CDKAL1: variants seen among roughly 807,000 people sequenced by gnomAD.
The protein encoded by CDKAL1 is threonylcarbamoyladenosine tRNA methylthiotransferase.
In CDKAL1, 32 loss-of-function variants were observed where a neutral mutation model predicts 68.2. The observed-to-expected ratio is 0.47, with a 90% CI of 0.35 to 0.63. The LOEUF (loss-of-function observed/expected upper bound fraction) is 0.63. CDKAL1 is among the 30% of genes least tolerant of loss of function. The pLI is 0.00. For missense variants in CDKAL1, 606 were observed against 696.7 expected, an observed-to-expected ratio of 0.87 and a Z score of 1.47; for synonymous variants, 234 against 244.3, an observed-to-expected ratio of 0.96 and a Z score of 0.39.
At chr6:20,961,770 A>G (rs1765070105) in intron 10 of CDKAL1, among the ~76,000 whole-genome samples, 1 of 150,222 alleles carries the variant, frequency 6.7e-6, no homozygotes, top group South Asian at 2.1e-4. Flanking sequence ...CCGTCTCAAA[A>G]AAAAAAAAGA....
At chr6:21,122,101 G>A (rs867346213) in intron 13 of CDKAL1, among the ~76,000 whole-genome samples, 1 of 152,106 alleles carries the variant, frequency 6.6e-6, no homozygotes, top group Non-Finnish European at 1.5e-5. Flanking sequence ...AATTGAAAGA[G>A]TTCTTCAGAA....
intron 13 of CDKAL1, among the ~76,000 whole-genome samples, chr6:21,182,354 A>G (rs879791594): frequency 9.9e-5 from 15 of 152,194 alleles, no homozygotes; most frequent in Admixed American, 2.0e-4. Context: ...ATTCATTTAC[A>G]TTTATTGAGA....
intron 4 of CDKAL1, among the ~76,000 whole-genome samples, chr6:20,595,455 G>C (rs997803852): frequency 1.3e-5 from 2 of 151,842 alleles, no homozygotes; most frequent in Non-Finnish European, 2.9e-5. Context: ...TCTTCCGCTT[G>C]ATCCGTTTGG....
At chr6:20,982,550 TA>T (rs1006289909) in intron 10 of CDKAL1, among the ~76,000 whole-genome samples, 2 of 147,830 alleles carry the variant, frequency 1.4e-5, no homozygotes, top group Admixed American at 6.8e-5. Context: ...AGCCTGCTCT[TA>T]AAAAAAATCA....
chr6:21,099,048 T>C (rs937276864), intron 12 of CDKAL1, among the ~76,000 whole-genome samples: 7 of 152,124 alleles, frequency 4.6e-5, no homozygotes, highest in Admixed American at 1.3e-4. Context: ...AACTGTGGCT[T>C]CACATTCTCA....
At chr6:20,669,064 G>A (rs1769686297) in intron 5 of CDKAL1, among the ~76,000 whole-genome samples, 1 of 152,136 alleles carries the variant, frequency 6.6e-6, no homozygotes, top group Non-Finnish European at 1.5e-5. Context: ...TAGTAACCAG[G>A]TGTAAACTTT....
chr6:20,660,671 AG>A, intron 5 of CDKAL1, among the ~76,000 whole-genome samples: 1 of 152,306 alleles, frequency 6.6e-6, no homozygotes, highest in African/African-American at 2.4e-5. Context: ...GTGAGAGAGT[AG>A]GAAAGGTGGA....
At position 20,798,917 on chromosome 6, in the gene CDKAL1, CAAAAAAA is replaced by C. The variant is rs200034795; in HGVS notation, c.638+17663_638+17669del. On this transcript the variant is annotated intron_variant, in intron 8 of 15. Transcript: ENST00000274695. ...CCCTAGAACTTAAAGTATAATAATA[CAAAAAAA>C]AAAAAAAAAAGAAAAGAAAATTGTG... Among the ~76,000 whole-genome samples the C allele has an allele frequency of 6.8e-5, 7 of 103,204 alleles. No homozygotes were observed. The South Asian group carries it at 8.5e-4, about 13-fold the overall frequency. The allele number at this position is 103,204 out of a possible 152,430, so 67.7% of individuals were successfully genotyped here.
chr6:21,174,759 A>T (rs1777515584), intron 13 of CDKAL1, among the ~76,000 whole-genome samples: 1 of 152,160 alleles, frequency 6.6e-6, no homozygotes, highest in African/African-American at 2.4e-5. Flanking sequence ...TATGAAAATC[A>T]AAAGTATAAC....
intron 13 of CDKAL1, among the ~76,000 whole-genome samples, chr6:21,151,177 A>G (rs1333470018): frequency 6.6e-6 from 1 of 152,224 alleles, no homozygotes; most frequent in African/African-American, 2.4e-5. Context: ...GAGAAATGTG[A>G]CATTTAGAAC....
rs116424030 is a variant in CDKAL1 at position 20,805,465 on chromosome 6, C to T, written c.638+24200C>T. Among the ~76,000 whole-genome samples the T allele has an allele frequency of 9.2e-5, 14 of 152,302 alleles. No individual in the cohort carries two copies. The East Asian group carries it at 1.7e-3, about 19-fold the overall frequency. On this transcript the variant is annotated intron_variant, in intron 8 of 15. Coordinates refer to ENST00000274695, the MANE Select transcript of CDKAL1 (RefSeq NM_017774.3). ...TTTTTTATTAGCAGGGCATACCCATCATGCCAAAATAAAAGCATAGTTTGA... is the reference window on the plus strand; with the variant it reads ...TTTTTTATTAGCAGGGCATACCCATTATGCCAAAATAAAAGCATAGTTTGA...
intron 5 of CDKAL1, among the ~76,000 whole-genome samples, chr6:20,675,720 C>T (rs1770060686): frequency 6.6e-6 from 1 of 152,012 alleles, no homozygotes; most frequent in Non-Finnish European, 1.5e-5. Context: ...TAACAAATGA[C>T]TATTTTACTG....
intron 8 of CDKAL1, among the ~76,000 whole-genome samples, chr6:20,835,697 G>C (rs559999516): frequency 3.3e-5 from 5 of 151,968 alleles, no homozygotes; most frequent in African/African-American, 1.2e-4. Flanking sequence ...ACAGGCGTGC[G>C]CCACCAGGCC....
At chr6:21,225,200 A>G (rs1779696252) in intron 15 of CDKAL1, among the ~76,000 whole-genome samples, 1 of 152,124 alleles carries the variant, frequency 6.6e-6, no homozygotes, top group Admixed American at 6.5e-5. Context: ...CGGGGTGGGC[A>G]GTGGTTGAGA....
intron 5 of CDKAL1, among the ~76,000 whole-genome samples, chr6:20,716,734 T>C (rs1045904253): frequency 2.6e-5 from 4 of 151,534 alleles, no homozygotes; most frequent in African/African-American, 9.7e-5. Context: ...TTTGTATACT[T>C]GATTTGAGGC....
At chr6:20,712,820 A>G (rs1004115831) in intron 5 of CDKAL1, among the ~76,000 whole-genome samples, 1 of 151,928 alleles carries the variant, frequency 6.6e-6, no homozygotes, top group Non-Finnish European at 1.5e-5. Context: ...AAGTTTTTGT[A>G]TTTTTAGTAG....
chr6:20,850,266 T>G (rs1758937569), intron 9 of CDKAL1, among the ~76,000 whole-genome samples: 1 of 152,150 alleles, frequency 6.6e-6, no homozygotes, highest in Non-Finnish European at 1.5e-5. Flanking sequence ...AAATTTCCCA[T>G]CCTTAAAGCG....
intron 15 of CDKAL1, among the ~76,000 whole-genome samples, chr6:21,207,518 C>CA (rs551344906): frequency 3.3e-5 from 5 of 150,004 alleles, no homozygotes; most frequent in Non-Finnish European, 5.9e-5. Flanking sequence ...TTATCTCAAG[C>CA]AAAAAAAAAG....
chr6:20,907,820 C>T (rs1199056099), intron 9 of CDKAL1, among the ~76,000 whole-genome samples: 1 of 152,162 alleles, frequency 6.6e-6, no homozygotes, highest in Non-Finnish European at 1.5e-5. Context: ...GGGGAGCATG[C>T]CTCTGTGTGG....
Sources: allele counts gnomAD v4.1 joint callset (sites outside exome capture counted in the v4.1 genomes callset), GRCh38; gene constraint gnomAD v4.1.1; transcripts MANE v1.5; gene names NCBI Gene and HGNC (gene_info 2026-07-23, HGNC 2026-07-21).